The following NOTCH1 variants were observed in gnomAD, a reference collection of about 807,000 sequenced individuals.
NOTCH1 encodes neurogenic locus notch homolog protein 1.
NOTCH1 carries 37 observed loss-of-function variants against 254.8 expected under a neutral mutation model. That is an observed-to-expected ratio of 0.15 (90% CI 0.11 to 0.19). The LOEUF (loss-of-function observed/expected upper bound fraction) is 0.19. Among genes scored for constraint, NOTCH1 ranks in the 10% least tolerant of loss-of-function variants. The pLI, the probability that NOTCH1 is intolerant of heterozygous loss-of-function variation, is 1.00. For missense variants in NOTCH1, 2,972 were observed against 3,708.6 expected (o/e 0.80, Z 5.16); for synonymous variants, 1,731 against 1,618.1 (o/e 1.07, Z -1.68).
At chr9:136,535,916 C>T (rs796833792) in intron 2 of NOTCH1, among the ~76,000 whole-genome samples, 750 of 50,502 alleles carry the variant, frequency 0.015, no homozygotes, top group African/African-American at 0.048. Context: ...GGATCCCTCC[C>T]GGGGCAATGA....
chr9:136,512,580 G>T (rs3812607), intron 15 of NOTCH1, among the ~76,000 whole-genome samples: 12,727 of 152,216 alleles, frequency 0.084, 1,423 homozygotes, highest in East Asian at 0.59. Flanking sequence ...CCTCAGGTCC[G>T]GCTGGCGGGG....
chr9:136,497,169 C>T lies in NOTCH1; in HGVS notation c.6570G>A (p.Leu2190=), dbSNP rs200630233. Residue 2190 remains leucine (L), a synonymous_variant, in exon 34 of 34, where the codon CTG becomes CTA. Coordinates refer to ENST00000651671, the MANE Select transcript of NOTCH1 (RefSeq NM_017617.5). ...RKKSQDGKGC[L]LDSSGMLSPV... ...GCGAGAGCATGCCGGAGCTGTCCAGCAGGCAGCCCTTGCCGTCCTGGGACT... is the reference window on the plus strand; with the variant it reads ...GCGAGAGCATGCCGGAGCTGTCCAGTAGGCAGCCCTTGCCGTCCTGGGACT... The T allele has an allele frequency of 2.5e-6, 4 of 1,612,684 alleles. No homozygotes were observed. Among genetic ancestry groups the T allele is most frequent in the African/African-American group, 1.3e-5 (1 of 74,924 alleles).
intron 2 of NOTCH1, among the ~76,000 whole-genome samples, chr9:136,539,029 T>C (rs1383304070): frequency 1.3e-5 from 2 of 152,200 alleles, no homozygotes; most frequent in African/African-American, 4.8e-5. Context: ...GTGCAGGGAA[T>C]GAGGAATGAA....
chr9:136,543,604 G>C (rs1843764794), intron 2 of NOTCH1: 5 of 364,056 alleles, frequency 1.4e-5, no homozygotes, highest in South Asian at 1.1e-4. Context: ...CCCCCGAGAG[G>C]AGGCATCACC....
intron 27 of NOTCH1, chr9:136,502,816 A>G: frequency 5.4e-6 from 3 of 560,116 alleles, no homozygotes; most frequent in Non-Finnish European, 9.7e-6. Context: ...CAAGATACAA[A>G]CTTCAACACT....
chr9:136,533,577 C>T (rs1333777581), intron 2 of NOTCH1, among the ~76,000 whole-genome samples: 2 of 152,236 alleles, frequency 1.3e-5, no homozygotes, highest in African/African-American at 4.8e-5. Context: ...AGCCCAGCCC[C>T]TGCCTGCCAC....
chr9:136,520,746 AAAT>A (rs59664852), intron 4 of NOTCH1, among the ~76,000 whole-genome samples: 1,801 of 151,990 alleles, frequency 0.012, 46 homozygotes, highest in African/African-American at 0.041. Flanking sequence ...AAAAAAAAAA[AAAT>A]TCAGAGCCTG....
At chr9:136,500,471 G>A (rs2133325089) in intron 31 of NOTCH1, 81 bp downstream of exon 31, 1 of 1,550,534 alleles carries the variant, frequency 6.4e-7, no homozygotes, top group Non-Finnish European at 8.8e-7. Flanking sequence ...GGCTCCCAGG[G>A]CCACGTAAGC....
intron 18 of NOTCH1, among the ~76,000 whole-genome samples, 175 bp from the exon 19 acceptor site, chr9:136,509,246 C>G (rs1843139209): frequency 6.6e-6 from 1 of 152,210 alleles, no homozygotes; most frequent in Non-Finnish European, 1.5e-5. Flanking sequence ...CGGGGCCCGG[C>G]TCTCACACCA....
At position 136,526,105 on chromosome 9, in the gene NOTCH1, C is replaced by T. The variant is rs551226832; in HGVS notation, c.141-2126G>A. Among the ~76,000 whole-genome samples, 8 of 152,380 alleles carry T rather than the reference C, an allele frequency of 5.3e-5. No homozygotes were observed. The East Asian group carries it at 9.6e-4, about 18-fold the overall frequency. On this transcript the variant is annotated intron_variant, in intron 2 of 33. Transcript: ENST00000651671. ...TCCCATGTGGCCGGTCACTCCGGGG[C>T]TGCAGCGACAGACCTGCCTCTGCGG...
chr9:136,537,639 A>T (rs57251617), intron 2 of NOTCH1, among the ~76,000 whole-genome samples: 13,726 of 152,258 alleles, frequency 0.09, 1,243 homozygotes, highest in African/African-American at 0.23. Flanking sequence ...CTGCAAAAAA[A>T]TTTAAAATTA....
chr9:136,528,827 G>C (rs1843515188), intron 2 of NOTCH1, among the ~76,000 whole-genome samples: 1 of 152,090 alleles, frequency 6.6e-6, no homozygotes, highest in South Asian at 2.1e-4. Context: ...CCCTCACAGG[G>C]CAATAAATGG....
rs777573424 is a variant in NOTCH1 at position 136,510,762 on chromosome 9, C to T, written c.2631G>A (p.Pro877=). Residue 877 remains proline (P), a synonymous_variant, in exon 17 of 34, where the codon CCG becomes CCA. Transcript: ENST00000651671. ...EVDINECVLS[P]CRHGASCQNT... is the part of the protein sequence containing the mutation. ...TCTGGCAGGATGCGCCGTGCCGGCA[C>T]GGGCTCAGAACGCACTCGTTGATGT... 29 of 1,610,378 alleles carry T rather than the reference C, an allele frequency of 1.8e-5. No individual in the cohort carries two copies. In the South Asian group the frequency reaches 1.9e-4, roughly 10 times the overall value.
At chr9:136,498,231 G>A (rs1426375891) in intron 33 of NOTCH1, among the ~76,000 whole-genome samples, 4 of 150,998 alleles carry the variant, frequency 2.6e-5, no homozygotes, top group Admixed American at 6.6e-5. Flanking sequence ...GGGGCAGCAG[G>A]AGTTGGGGGC....
At chr9:136,528,982 C>G (rs989444463) in intron 2 of NOTCH1, among the ~76,000 whole-genome samples, 3 of 152,190 alleles carry the variant, frequency 2.0e-5, no homozygotes, top group African/African-American at 7.2e-5. Context: ...TGCCCCCAGC[C>G]TCAAGGGGCT....
chr9:136,511,178 G>C lies in NOTCH1; in HGVS notation c.2561C>G (p.Ser854Cys), dbSNP rs1843175525. 1 of 1,612,920 alleles carries C rather than the reference G, an allele frequency of 6.2e-7. No individual in the cohort carries two copies. Among genetic ancestry groups the C allele is most frequent in the Non-Finnish European group, 8.5e-7 (1 of 1,180,000 alleles). Residue 854 changes from serine to cysteine, a missense_variant, in exon 16 of 34, where the codon TCC becomes TGC. Coordinates refer to ENST00000651671, the MANE Select transcript of NOTCH1 (RefSeq NM_017617.5). ...CRQSEDYESF[S>C]CVCPTGWQGQ... ...TTGCCAGCCCGTGGGGCAGACACAG[G>C]AGAAGCTCTCATAGTCCTCGGATTG...
At chr9:136,533,405 G>A (rs1021889234) in intron 2 of NOTCH1, among the ~76,000 whole-genome samples, 6 of 152,248 alleles carry the variant, frequency 3.9e-5, no homozygotes, top group Admixed American at 2.6e-4. Flanking sequence ...GTAACTGTGT[G>A]TTTCCGCTCG....
intron 2 of NOTCH1, among the ~76,000 whole-genome samples, chr9:136,532,067 C>T (rs865985313): frequency 7.2e-5 from 11 of 152,224 alleles, no homozygotes; most frequent in East Asian, 5.8e-4. Flanking sequence ...GATCACCGGG[C>T]GCCTGGGATT....
intron 33 of NOTCH1, among the ~76,000 whole-genome samples, chr9:136,498,233 G>C (rs542951553): frequency 1.3e-5 from 2 of 150,584 alleles, no homozygotes. Flanking sequence ...GGCAGCAGGA[G>C]TTGGGGGCGG....
Sources: allele counts gnomAD v4.1 joint callset (sites outside exome capture counted in the v4.1 genomes callset), GRCh38; gene constraint gnomAD v4.1.1; transcripts MANE v1.5; gene names NCBI Gene and HGNC (gene_info 2026-07-23, HGNC 2026-07-21).